The following TBC1D22A variants were observed in gnomAD, a reference collection of about 807,000 sequenced individuals.
TBC1D22A encodes the protein TBC1 domain family member 22A.
Under a neutral mutation model 60.2 loss-of-function variants are expected in TBC1D22A, and 38 were observed. The observed-to-expected ratio is 0.63, with a 90% CI of 0.49 to 0.83. The LOEUF (loss-of-function observed/expected upper bound fraction) is 0.83. TBC1D22A is among the 40% of genes least tolerant of loss of function. TBC1D22A has a pLI of 0.00. For missense variants in TBC1D22A, 628 were observed against 701.0 expected, an observed-to-expected ratio of 0.90 and a Z score of 1.18; for synonymous variants, 302 against 281.7, an observed-to-expected ratio of 1.07 and a Z score of -0.72.
At chr22:47,081,301 G>A (rs571218165) in intron 11 of TBC1D22A, among the ~76,000 whole-genome samples, 5 of 152,266 alleles carry the variant, frequency 3.3e-5, no homozygotes, top group South Asian at 2.1e-4. Context: ...TTCAGCACCC[G>A]CCGTGGTAGA....
intron 5 of TBC1D22A, 84 bp from the exon 6 acceptor site, chr22:46,891,182 C>T: frequency 1.4e-6 from 2 of 1,415,564 alleles, no homozygotes; most frequent in Non-Finnish European, 1.9e-6. Context: ...AGGTATGATG[C>T]AAGTCTTTTT....
intron 12 of TBC1D22A, among the ~76,000 whole-genome samples, chr22:47,150,297 C>T (rs540210234): frequency 2.1e-4 from 32 of 152,234 alleles, no homozygotes; most frequent in Non-Finnish European, 3.2e-4. Context: ...GGGGAGTGGG[C>T]GGCCCTCCTG....
chr22:46,972,906 C>T (rs901654226), intron 8 of TBC1D22A, among the ~76,000 whole-genome samples: 3 of 152,236 alleles, frequency 2.0e-5, no homozygotes, highest in East Asian at 3.8e-4. Flanking sequence ...CACCCTCCCA[C>T]GTTCCCGCAG....
chr22:47,065,189 G>A (rs1270225501), intron 11 of TBC1D22A, among the ~76,000 whole-genome samples: 1 of 152,112 alleles, frequency 6.6e-6, no homozygotes, highest in Non-Finnish European at 1.5e-5. Context: ...TTAGAGACAG[G>A]GTTTCACCGT....
intron 8 of TBC1D22A, among the ~76,000 whole-genome samples, chr22:46,950,663 G>GGA (rs1275320369): frequency 6.6e-6 from 1 of 152,222 alleles, no homozygotes; most frequent in Non-Finnish European, 1.5e-5. Flanking sequence ...AACAACAGGA[G>GGA]GATGGTGGTG....
intron 9 of TBC1D22A, among the ~76,000 whole-genome samples, chr22:46,985,738 C>G (rs2074698282): frequency 6.6e-6 from 1 of 152,164 alleles, no homozygotes; most frequent in South Asian, 2.1e-4. Context: ...ACATCTTCTT[C>G]TAGTGGCCTG....
chr22:47,034,472 G>GTGA (rs1556016533), intron 10 of TBC1D22A, among the ~76,000 whole-genome samples: 1 of 19,716 alleles, frequency 5.1e-5, no homozygotes, highest in Non-Finnish European at 7.8e-5. Context: ...TGCTCCCGTG[G>GTGA]TGATGATGAA....
chr22:47,055,049 C>T (rs991856248), intron 11 of TBC1D22A, among the ~76,000 whole-genome samples: 7 of 152,170 alleles, frequency 4.6e-5, no homozygotes, highest in East Asian at 1.9e-4. Context: ...TTCTTGCCTC[C>T]GAGGTGGAGG....
intron 12 of TBC1D22A, among the ~76,000 whole-genome samples, chr22:47,155,019 G>A (rs1212426534): frequency 1.3e-5 from 2 of 152,282 alleles, no homozygotes; most frequent in Non-Finnish European, 2.9e-5. Flanking sequence ...CCCAAACACC[G>A]CAAGGCAGGA....
chr22:46,987,036 A>G (rs1278707800), intron 9 of TBC1D22A, among the ~76,000 whole-genome samples: 2 of 152,172 alleles, frequency 1.3e-5, no homozygotes, highest in Non-Finnish European at 2.9e-5. Flanking sequence ...TCCTCGTGGC[A>G]TGGTGGCCTT....
chr22:46,876,151 A>C (rs1486404973), intron 4 of TBC1D22A, among the ~76,000 whole-genome samples: 2 of 152,188 alleles, frequency 1.3e-5, no homozygotes. Context: ...AGTGGAACGT[A>C]AGTCTTCTAC....
In TBC1D22A at chr22:47,112,587, C is replaced by A. The variant is rs1216331699; in HGVS notation, c.1425+984C>A. On this transcript the variant is annotated intron_variant, in intron 12 of 12. Coordinates refer to ENST00000337137, the MANE Select transcript of TBC1D22A (RefSeq NM_014346.5). ...TCCTGCCGCCCCGCTTCATCTCGGC[C>A]CCAGGAGAGACCAGACAGGTGAGGG... 4.6e-5 allele frequency among the ~76,000 whole-genome samples: 7 copies of A among 152,308 alleles called. 1 individual carries two copies. Among genetic ancestry groups the A allele is most frequent in the African/African-American group, 1.7e-4 (7 of 41,572 alleles).
At chr22:47,039,804 G>T (rs1375358489) in intron 11 of TBC1D22A, among the ~76,000 whole-genome samples, 1 of 151,870 alleles carries the variant, frequency 6.6e-6, no homozygotes, top group Non-Finnish European at 1.5e-5. Flanking sequence ...TGTACGGAAG[G>T]TATAGTGCTG....
At chr22:46,763,507 C>T (rs946967056) in intron 1 of TBC1D22A, among the ~76,000 whole-genome samples, 1 of 135,978 alleles carries the variant, frequency 7.4e-6, no homozygotes, top group Non-Finnish European at 1.5e-5. Context: ...ATTGCTGTGG[C>T]GCTGAGCTAT....
At chr22:46,803,773 G>T (rs1212400422) in intron 4 of TBC1D22A, among the ~76,000 whole-genome samples, 1 of 152,208 alleles carries the variant, frequency 6.6e-6, no homozygotes, top group Admixed American at 6.5e-5. Flanking sequence ...CAGCCCCCTG[G>T]CCACCTAGAA....
intron 5 of TBC1D22A, among the ~76,000 whole-genome samples, chr22:46,886,596 A>T (rs1222914925): frequency 6.6e-6 from 1 of 152,262 alleles, no homozygotes; most frequent in Non-Finnish European, 1.5e-5. Context: ...TACTTCAGGA[A>T]GTAATTGACA....
intron 1 of TBC1D22A, among the ~76,000 whole-genome samples, chr22:46,786,906 G>A (rs763182365): frequency 2.0e-5 from 3 of 151,904 alleles, no homozygotes; most frequent in Admixed American, 1.3e-4. Context: ...GGCTGGTCTT[G>A]AACTCCTGGG....
chr22:46,811,379 CG>C (rs1232334077), intron 4 of TBC1D22A, among the ~76,000 whole-genome samples: 1 of 152,156 alleles, frequency 6.6e-6, no homozygotes, highest in Non-Finnish European at 1.5e-5. Flanking sequence ...CTGTGCTGGA[CG>C]GTGATGAGCA....
intron 8 of TBC1D22A, among the ~76,000 whole-genome samples, chr22:46,942,070 C>G (rs1222008060): frequency 6.9e-6 from 1 of 145,356 alleles, no homozygotes; most frequent in Non-Finnish European, 1.5e-5. Context: ...CAGCACGGAG[C>G]CTGGGGCACT....
Sources: gnomAD v4.1 joint callset for allele counts (sites outside exome capture counted in the v4.1 genomes callset) on GRCh38, gnomAD v4.1.1 for gene constraint, MANE v1.5 for transcripts, NCBI Gene and HGNC (gene_info 2026-07-23, HGNC 2026-07-21) for gene names.